EYS: variants seen among roughly 807,000 people sequenced by gnomAD.
EYS encodes the protein EGF-like photoreceptor maintenance factor.
Under a neutral mutation model 282.1 loss-of-function variants are expected in EYS, and 250 were observed. That is an observed-to-expected ratio of 0.89 (90% CI 0.80 to 0.98). The LOEUF (loss-of-function observed/expected upper bound fraction) is 0.98. Among genes scored for constraint, EYS ranks in the 50% least tolerant of loss-of-function variants. EYS has a pLI of 0.00. For synonymous variants in EYS, 1,355 were observed against 1,282.9 expected, an observed-to-expected ratio of 1.06 and a Z score of -1.20; for missense variants, 4,016 against 3,709.0, an observed-to-expected ratio of 1.08 and a Z score of -2.15.
intron 29 of EYS, among the ~76,000 whole-genome samples, chr6:64,367,299 A>T (rs1023385877): frequency 4.6e-5 from 7 of 152,100 alleles, no homozygotes; most frequent in African/African-American, 7.2e-5. Context: ...AATGTGTCTT[A>T]AGGAGATTCA....
At chr6:64,436,792 C>T (rs1774766213) in intron 27 of EYS, among the ~76,000 whole-genome samples, 1 of 151,796 alleles carries the variant, frequency 6.6e-6, no homozygotes. Flanking sequence ...GAGGAAAAAT[C>T]ATGTCTATAT....
intron 29 of EYS, among the ~76,000 whole-genome samples, chr6:64,348,817 T>C (rs1204766157): frequency 2.6e-5 from 4 of 151,392 alleles, no homozygotes; most frequent in Non-Finnish European, 5.9e-5. Context: ...TGCTCTCCCT[T>C]ACTTCCCTAT....
intron 7 of EYS, among the ~76,000 whole-genome samples, chr6:65,388,625 G>C (rs1375256224): frequency 6.6e-6 from 1 of 152,088 alleles, no homozygotes; most frequent in East Asian, 1.9e-4. Context: ...AAAGACCAAA[G>C]TGGTGACTTA....
At chr6:65,437,353 C>T (rs1768113976) in intron 5 of EYS, among the ~76,000 whole-genome samples, 1 of 151,982 alleles carries the variant, frequency 6.6e-6, no homozygotes, top group Admixed American at 6.6e-5. Flanking sequence ...TATTAGGATA[C>T]TTGCAAATTC....
chr6:65,174,683 G>T (rs1765185456), intron 12 of EYS, among the ~76,000 whole-genome samples: 1 of 151,310 alleles, frequency 6.6e-6, no homozygotes. Context: ...ATTCATGTTA[G>T]CAAGCATTTT....
At chr6:64,587,731 T>C (rs192511710) in intron 26 of EYS, among the ~76,000 whole-genome samples, 362 of 152,118 alleles carry the variant, frequency 2.4e-3, no homozygotes, top group Middle Eastern at 3.4e-3. Flanking sequence ...TACCAAACAA[T>C]GACTACTATG....
rs10455567 is a variant in EYS, at chr6:65,057,375, T to C, written c.2137+239A>G. Among the ~76,000 whole-genome samples the C allele has an allele frequency of 0.077, 11,713 of 152,210 alleles. 571 individuals carry two copies. Among genetic ancestry groups the C allele is most frequent in the Middle Eastern group, 0.13 (37 of 294 alleles). On this transcript the variant is annotated intron_variant, in intron 13 of 42. Transcript: ENST00000503581. ...TTTTTTATTGTATCTTTTGGTTTCA[T>C]TGGTGACCTTTCAAATAGAAAAATA...
At chr6:64,434,366 T>A (rs1774670709) in intron 28 of EYS, among the ~76,000 whole-genome samples, 1 of 152,106 alleles carries the variant, frequency 6.6e-6, no homozygotes, top group Non-Finnish European at 1.5e-5. Flanking sequence ...AGCATCCTAG[T>A]AAAATAGGCA....
chr6:65,704,610 G>A (rs558460138), intron 1 of EYS, among the ~76,000 whole-genome samples: 6 of 152,042 alleles, frequency 3.9e-5, no homozygotes, highest in East Asian at 1.9e-4. Flanking sequence ...CTTAATATTC[G>A]GTTATATTTG....
intron 12 of EYS, among the ~76,000 whole-genome samples, chr6:65,082,640 A>G (rs1301860273): frequency 6.6e-6 from 1 of 152,066 alleles, no homozygotes; most frequent in Non-Finnish European, 1.5e-5. Flanking sequence ...ACTTGCTTCT[A>G]CATTGCATTT....
rs746137950 is a variant in EYS at position 64,757,725 on chromosome 6, AT to A, written c.3443+55652del. 1.4e-4 allele frequency among the ~76,000 whole-genome samples: 18 copies of A among 131,430 alleles called. No homozygotes were observed. In the East Asian group the frequency reaches 1.4e-3, roughly 10 times the overall value. 86.2% of individuals were successfully genotyped at this position (131,430 alleles called of 152,430 possible). On this transcript the variant is annotated intron_variant, in intron 22 of 42. Coordinates refer to ENST00000503581, the MANE Select transcript of EYS (RefSeq NM_001142800.2). ...GCACAGCTACATCTACAAAAGATTAATTTTTTTTCTTTTTTTCTTTGTGTGT... is the reference window on the plus strand; with the variant it reads ...GCACAGCTACATCTACAAAAGATTAATTTTTTTCTTTTTTTCTTTGTGTGT...
At chr6:65,282,382 A>G (rs1768248347) in intron 12 of EYS, among the ~76,000 whole-genome samples, 1 of 152,024 alleles carries the variant, frequency 6.6e-6, no homozygotes, top group South Asian at 2.1e-4. Context: ...ACAAATTTCT[A>G]ACAATATACT....
chr6:64,590,351 T>G lies in EYS; in HGVS notation c.5516A>C (p.Lys1839Thr). Residue 1839 changes from lysine to threonine, a missense_variant, in exon 26 of 43, where the codon AAA becomes ACA. Coordinates refer to ENST00000503581, the MANE Select transcript of EYS (RefSeq NM_001142800.2). Reference protein sequence around the residue: ...KEVKTSSEWSKWELQPSVQYQ... With the variant: ...KEVKTSSEWSTWELQPSVQYQ... ...TTGCACACTAGGCTGAAGTTCCCAT[T>G]TGGACCATTCTGAAGAAGTCTTGAC... The G allele has an allele frequency of 6.4e-7, 1 of 1,551,318 alleles. No homozygotes were observed. Among genetic ancestry groups the G allele is most frequent in the South Asian group, 1.2e-5 (1 of 84,058 alleles).
chr6:64,657,453 T>C (rs1043053160), intron 22 of EYS, among the ~76,000 whole-genome samples: 3 of 152,222 alleles, frequency 2.0e-5, no homozygotes, highest in East Asian at 1.9e-4. Context: ...CTAGCATTGA[T>C]GGTCTTTACA....
chr6:65,471,504 A>G (rs999753484), intron 5 of EYS, among the ~76,000 whole-genome samples: 1 of 152,194 alleles, frequency 6.6e-6, no homozygotes, highest in Non-Finnish European at 1.5e-5. Context: ...AGTAAAACCA[A>G]TGATTTTCAG....
chr6:64,233,417 T>C (rs1333741251), intron 30 of EYS, among the ~76,000 whole-genome samples: 1 of 152,208 alleles, frequency 6.6e-6, no homozygotes, highest in Non-Finnish European at 1.5e-5. Context: ...TTGTTATATA[T>C]TTAAAAAGGA....
intron 23 of EYS, among the ~76,000 whole-genome samples, chr6:64,624,488 G>T (rs114483183): frequency 6.4e-4 from 98 of 152,200 alleles, no homozygotes; most frequent in African/African-American, 2.3e-3. Flanking sequence ...GTTTGAAATG[G>T]TATTCATTTC....
chr6:65,700,114 CAAAAAAAAAA>C (rs1178482636), intron 1 of EYS, among the ~76,000 whole-genome samples: 2 of 51,794 alleles, frequency 3.9e-5, no homozygotes, highest in South Asian at 1.4e-3. Flanking sequence ...GACTCCGTCT[CAAAAAAAAAA>C]AAAAAAAAAA....
chr6:65,098,535 G>A (rs1402233934), intron 12 of EYS, among the ~76,000 whole-genome samples: 1 of 150,760 alleles, frequency 6.6e-6, no homozygotes, highest in Non-Finnish European at 1.5e-5. Flanking sequence ...ATGACAATAT[G>A]TACCAGCAGT....
Sources: allele counts gnomAD v4.1 joint callset (sites outside exome capture counted in the v4.1 genomes callset), GRCh38; gene constraint gnomAD v4.1.1; transcripts MANE v1.5; gene names NCBI Gene and HGNC (gene_info 2026-07-23, HGNC 2026-07-21).